TTBK2: variants seen among roughly 807,000 people sequenced by gnomAD.
TTBK2 encodes tau-tubulin kinase 2.
In TTBK2, 28 loss-of-function variants were observed where a neutral mutation model predicts 110.8. The ratio of observed to expected loss-of-function variants is 0.25; its 90% confidence interval spans 0.19 to 0.35. The LOEUF is 0.35. Ranked by LOEUF, TTBK2 falls within the 10% of genes least tolerant of loss-of-function variation. TTBK2 has a pLI of 1.00. For missense variants in TTBK2, 1,369 were observed against 1,500.3 expected, an observed-to-expected ratio of 0.91 and a Z score of 1.45; for synonymous variants, 532 against 527.3, an observed-to-expected ratio of 1.01 and a Z score of -0.12.
intron 13 of TTBK2, among the ~76,000 whole-genome samples, chr15:42,756,521 G>C (rs2061949857): frequency 6.6e-6 from 1 of 152,126 alleles, no homozygotes; most frequent in African/African-American, 2.4e-5. Flanking sequence ...GGGAGGCAGA[G>C]GTTGCAGTGA....
Position 42,842,664 on chromosome 15 carries a change from T to C in TTBK2, c.218-2231A>G, listed in dbSNP as rs144360671. ...TACTTGGGAAGCTAAGGTGGGAGGATTGCGTGAGGCCAGGAGTTTGAGACC... is the reference window on the plus strand; with the variant it reads ...TACTTGGGAAGCTAAGGTGGGAGGACTGCGTGAGGCCAGGAGTTTGAGACC... On this transcript the variant is annotated intron_variant, in intron 3 of 14. Coordinates refer to ENST00000267890, the MANE Select transcript of TTBK2 (RefSeq NM_173500.4). Among the ~76,000 whole-genome samples, 933 of 151,680 alleles carry C rather than the reference T, an allele frequency of 6.2e-3. 12 individuals are homozygous for C. The highest frequency in any genetic ancestry group is 0.021 in the African/African-American group (857 of 41,300).
chr15:42,845,583 G>A (rs535548010), intron 3 of TTBK2, among the ~76,000 whole-genome samples: 1 of 132,320 alleles, frequency 7.6e-6, no homozygotes, highest in African/African-American at 2.9e-5. Context: ...GCAGTGGGCC[G>A]AGATCGCACA....
chr15:42,845,976 T>C (rs1277315106), intron 3 of TTBK2, among the ~76,000 whole-genome samples: 2 of 152,196 alleles, frequency 1.3e-5, no homozygotes, highest in Admixed American at 1.3e-4. Flanking sequence ...AACATAGTAT[T>C]ATAATCTTAT....
At chr15:42,887,806 C>G (rs573111387) in intron 1 of TTBK2, among the ~76,000 whole-genome samples, 1 of 152,150 alleles carries the variant, frequency 6.6e-6, no homozygotes, top group Non-Finnish European at 1.5e-5. Flanking sequence ...TGACACCCAT[C>G]AGGCTCAGCA....
chr15:42,876,513 G>A (rs753126597), intron 2 of TTBK2, among the ~76,000 whole-genome samples: 2 of 152,124 alleles, frequency 1.3e-5, no homozygotes, highest in Non-Finnish European at 2.9e-5. Flanking sequence ...TAATGACATA[G>A]TTTCCTTATA....
At position 42,745,644 on chromosome 15, in the gene TTBK2, G is replaced by A. The variant is rs1461312195; in HGVS notation, c.*151C>T. ...CCTGCCTTAGGTAATTCCTTATCAT[G>A]TATTATGTCTTCTTATAAATAATTG... On this transcript the variant is annotated 3_prime_UTR_variant, in exon 15 of 15. Coordinates refer to ENST00000267890, the MANE Select transcript of TTBK2 (RefSeq NM_173500.4). 5 of 944,210 alleles carry A rather than the reference G, an allele frequency of 5.3e-6. No individual in the cohort carries two copies. The East Asian group carries it at 7.7e-5, about 15-fold the overall frequency. 58.5% of individuals were successfully genotyped at this position (944,210 alleles called of 1,614,324 possible). A position where few individuals can be genotyped will look rare whatever the true frequency, so the allele number is the denominator to read the frequency against.
intron 1 of TTBK2, among the ~76,000 whole-genome samples, chr15:42,879,744 C>A (rs1409797421): frequency 2.0e-5 from 3 of 151,838 alleles, no homozygotes; most frequent in Non-Finnish European, 2.9e-5. Flanking sequence ...CACCTGTAAT[C>A]CCAGCATCTT....
At chr15:42,869,349 G>A (rs1045635743) in intron 3 of TTBK2, among the ~76,000 whole-genome samples, 60 of 150,730 alleles carry the variant, frequency 4.0e-4, no homozygotes, top group African/African-American at 1.4e-3. Flanking sequence ...TTGGCCTCCC[G>A]AAGTGCTGGG....
At chr15:42,760,800 A>G (rs992235034) in intron 13 of TTBK2, among the ~76,000 whole-genome samples, 1 of 152,232 alleles carries the variant, frequency 6.6e-6, no homozygotes, top group Non-Finnish European at 1.5e-5. Context: ...TGCAATCCCT[A>G]TCAAAATACC....
At chr15:42,869,218 G>A (rs979467057) in intron 3 of TTBK2, among the ~76,000 whole-genome samples, 1 of 152,038 alleles carries the variant, frequency 6.6e-6, no homozygotes, top group Non-Finnish European at 1.5e-5. Flanking sequence ...CTCCAGGGTA[G>A]CTGAGATGAC....
At chr15:42,800,460 C>A (rs1374408857) in intron 9 of TTBK2, among the ~76,000 whole-genome samples, 3 of 152,180 alleles carry the variant, frequency 2.0e-5, no homozygotes, top group African/African-American at 7.2e-5. Flanking sequence ...TCCCAGTCTG[C>A]CCTTTCAAAG....
At chr15:42,874,727 CCT>C (rs914039376) in intron 2 of TTBK2, among the ~76,000 whole-genome samples, 4 of 151,482 alleles carry the variant, frequency 2.6e-5, no homozygotes. Flanking sequence ...GTGGCTCACA[CCT>C]GTAATCCCAG....
chr15:42,878,273 C>A (rs976742468), intron 2 of TTBK2, among the ~76,000 whole-genome samples: 1 of 151,680 alleles, frequency 6.6e-6, no homozygotes, highest in African/African-American at 2.4e-5. Flanking sequence ...AGAGCCACTG[C>A]GCCCGGCCAG....
At chr15:42,792,205 A>G (rs1308338533) in intron 10 of TTBK2, among the ~76,000 whole-genome samples, 1 of 152,232 alleles carries the variant, frequency 6.6e-6, no homozygotes, top group African/African-American at 2.4e-5. Context: ...TGTTCCCAAC[A>G]CAAAGAAATG....
At chr15:42,758,427 A>G (rs1044388084) in intron 13 of TTBK2, among the ~76,000 whole-genome samples, 8 of 152,214 alleles carry the variant, frequency 5.3e-5, no homozygotes, top group African/African-American at 1.9e-4. Flanking sequence ...AGGCCGAGGC[A>G]GGCAGATCAC....
intron 1 of TTBK2, among the ~76,000 whole-genome samples, chr15:42,911,888 C>T (rs1206698): frequency 0.46 from 70,096 of 151,970 alleles, 20,928 homozygotes; most frequent in African/African-American, 0.86. Context: ...TTGGCTTCTC[C>T]AGGCCACAGT....
At chr15:42,877,999 T>C (rs1894878114) in intron 2 of TTBK2, among the ~76,000 whole-genome samples, 1 of 149,178 alleles carries the variant, frequency 6.7e-6, no homozygotes. Context: ...TTTTTATGTA[T>C]ACTTACAATT....
At chr15:42,844,855 G>T (rs1048957849) in intron 3 of TTBK2, among the ~76,000 whole-genome samples, 2 of 152,026 alleles carry the variant, frequency 1.3e-5, no homozygotes, top group African/African-American at 4.8e-5. Flanking sequence ...AACTAAAAGG[G>T]AAAGAAAGAC....
chr15:42,758,675 A>G (rs1317413084), intron 13 of TTBK2, among the ~76,000 whole-genome samples: 1 of 144,290 alleles, frequency 6.9e-6, no homozygotes, highest in Non-Finnish European at 1.5e-5. Flanking sequence ...AAAAAAAAAA[A>G]GAAGCCCAAG....
Sources: gnomAD v4.1 joint callset for allele counts (sites outside exome capture counted in the v4.1 genomes callset) on GRCh38, gnomAD v4.1.1 for gene constraint, MANE v1.5 for transcripts, NCBI Gene and HGNC (gene_info 2026-07-23, HGNC 2026-07-21) for gene names.